Variants in AFG2A observed in about 807,000 individuals in gnomAD.
AFG2A encodes the protein ATPase family gene 2 protein homolog A.
At chr4:123,169,152 G>A in the AFG2A span, among the ~76,000 whole-genome samples, 1 of 152,210 alleles carries the variant, frequency 6.6e-6, no homozygotes, top group African/African-American at 2.4e-5. Flanking sequence ...GAGGGCTCAA[G>A]TGAAGATCTC....
At chr4:123,119,041 G>A in the AFG2A span, among the ~76,000 whole-genome samples, 1 of 152,012 alleles carries the variant, frequency 6.6e-6, no homozygotes, top group Non-Finnish European at 1.5e-5. Flanking sequence ...GGTACCTTGA[G>A]TATCCCCATT....
At chr4:123,259,118 T>G in the AFG2A span, among the ~76,000 whole-genome samples, 2 of 152,126 alleles carry the variant, frequency 1.3e-5, no homozygotes, top group African/African-American at 4.8e-5. Flanking sequence ...CCGCCCACCT[T>G]GGCCTCCCAA....
chr4:123,000,249 T>G, the AFG2A span, among the ~76,000 whole-genome samples: 2 of 148,264 alleles, frequency 1.3e-5, no homozygotes, highest in Non-Finnish European at 3.0e-5. Flanking sequence ...GTTGTCTGCA[T>G]ACAGGGACAA....
chr4:123,159,759 T>A, the AFG2A span, among the ~76,000 whole-genome samples: 3 of 152,122 alleles, frequency 2.0e-5, no homozygotes, highest in Non-Finnish European at 2.9e-5. Context: ...GTCCTGAGTC[T>A]CCTGGTTCCA....
At chr4:122,964,694 C>T in the AFG2A span, among the ~76,000 whole-genome samples, 3 of 152,104 alleles carry the variant, frequency 2.0e-5, no homozygotes, top group African/African-American at 7.2e-5. Flanking sequence ...GTGCCTTCCA[C>T]AGTGCCATTA....
the AFG2A span, among the ~76,000 whole-genome samples, chr4:122,993,757 C>T: frequency 5.6e-4 from 85 of 151,510 alleles, 1 homozygote; most frequent in South Asian, 0.018. Context: ...TTGGAAAGAT[C>T]TTTATTGTCA....
the AFG2A span, among the ~76,000 whole-genome samples, chr4:123,161,909 A>G: frequency 4.6e-5 from 7 of 152,210 alleles, no homozygotes; most frequent in Admixed American, 4.6e-4. Context: ...ACATTTGATC[A>G]TATTTTTAGA....
At chr4:123,122,746 C>A in the AFG2A span, among the ~76,000 whole-genome samples, 6 of 148,508 alleles carry the variant, frequency 4.0e-5, no homozygotes, top group African/African-American at 1.5e-4. Flanking sequence ...GAATAGAAAA[C>A]TACTTTTTTT....
chr4:123,013,726 T>C, the AFG2A span, among the ~76,000 whole-genome samples: 16 of 152,218 alleles, frequency 1.1e-4, no homozygotes, highest in Non-Finnish European at 2.1e-4. Flanking sequence ...CTTAACCTCC[T>C]ACCAGCTTGT....
At chr4:123,312,458 C>T in the AFG2A span, among the ~76,000 whole-genome samples, 60 of 152,334 alleles carry the variant, frequency 3.9e-4, 1 homozygote, top group South Asian at 9.9e-3. Flanking sequence ...ACTCTTCCCA[C>T]TTGGTCCCTT....
chr4:123,128,800 G>GTTCTTTTTCTTCTTC, the AFG2A span, among the ~76,000 whole-genome samples: 3 of 152,012 alleles, frequency 2.0e-5, no homozygotes, highest in Non-Finnish European at 4.4e-5. Context: ...TGGGTCAGTG[G>GTTCTTTTTCTTCTTC]TTCTTTTTCT....
chr4:123,015,598 A>G, the AFG2A span, among the ~76,000 whole-genome samples: 117 of 151,222 alleles, frequency 7.7e-4, no homozygotes, highest in African/African-American at 2.6e-3. Flanking sequence ...CTACACAGAC[A>G]TGGCAACCAT....
the AFG2A span, among the ~76,000 whole-genome samples, chr4:123,202,916 G>A: frequency 6.1e-3 from 921 of 152,206 alleles, 11 homozygotes; most frequent in African/African-American, 0.02. Flanking sequence ...CTAGCTACTC[G>A]GGAGGCTGGG....
At chr4:122,923,300 A>G in the AFG2A span, 1 of 1,613,790 alleles carries the variant, frequency 6.2e-7, no homozygotes, top group Non-Finnish European at 8.5e-7. Flanking sequence ...AACTTATTAG[A>G]AAAGGGTAAA....
At chr4:122,943,332 A>G in the AFG2A span, among the ~76,000 whole-genome samples, 1,338 of 152,326 alleles carry the variant, frequency 8.8e-3, 22 homozygotes, top group Admixed American at 0.033. Flanking sequence ...TTTTGGGTGC[A>G]TATATATTTA....
chr4:123,124,000 G>T, the AFG2A span, among the ~76,000 whole-genome samples: 4 of 150,144 alleles, frequency 2.7e-5, no homozygotes, highest in Non-Finnish European at 5.9e-5. Flanking sequence ...AGGTGCTGGA[G>T]AGGATGTGGA....
At chr4:123,234,628 A>C in the AFG2A span, among the ~76,000 whole-genome samples, 1 of 152,150 alleles carries the variant, frequency 6.6e-6, no homozygotes, top group Non-Finnish European at 1.5e-5. Flanking sequence ...TGATTCTCTA[A>C]TTATCTTCAT....
chr4:123,043,737 T>C, the AFG2A span, among the ~76,000 whole-genome samples: 1 of 152,190 alleles, frequency 6.6e-6, no homozygotes, highest in Non-Finnish European at 1.5e-5. Context: ...GTAAGATAAA[T>C]GCCTAATGAT....
At chr4:122,928,257 T>C in the AFG2A span, among the ~76,000 whole-genome samples, 1 of 152,198 alleles carries the variant, frequency 6.6e-6, no homozygotes, top group Non-Finnish European at 1.5e-5. Context: ...ATAAATATTT[T>C]ACTATTCTCC....
Sources: gnomAD v4.1 joint callset for allele counts (sites outside exome capture counted in the v4.1 genomes callset) on GRCh38, gnomAD v4.1.1 for gene constraint, MANE v1.5 for transcripts, NCBI Gene and HGNC (gene_info 2026-07-23, HGNC 2026-07-21) for gene names.